The following SLC14A2 variants were observed in gnomAD, a reference collection of about 807,000 sequenced individuals.
The protein encoded by SLC14A2 is solute carrier family 14 member 2, also known as urea transporter 2.
SLC14A2 carries 91 observed loss-of-function variants against 104.6 expected under a neutral mutation model. The ratio of observed to expected loss-of-function variants is 0.87; its 90% CI spans 0.73 to 1.04. The LOEUF (loss-of-function observed/expected upper bound fraction) is 1.04, where lower values mean the gene tolerates loss of function less well. Ranked by LOEUF, SLC14A2 falls within the 50% of genes least tolerant of loss-of-function variation. The pLI is 0.00. For synonymous variants in SLC14A2, 476 were observed against 466.4 expected, an observed-to-expected ratio of 1.02 and a Z score of -0.27; for missense variants, 1,189 against 1,156.0, an observed-to-expected ratio of 1.03 and a Z score of -0.41.
At chr18:45,271,720 C>T (rs559033737) in intron 1 of SLC14A2, among the ~76,000 whole-genome samples, 1 of 152,210 alleles carries the variant, frequency 6.6e-6, no homozygotes, top group South Asian at 2.1e-4. Flanking sequence ...AATGTCCTTA[C>T]TACCCAAAGC....
At chr18:45,659,327 G>C (rs2045895659) in intron 10 of SLC14A2, among the ~76,000 whole-genome samples, 1 of 152,204 alleles carries the variant, frequency 6.6e-6, no homozygotes, top group Admixed American at 6.5e-5. Context: ...GTGGCAAAAA[G>C]TGATTAAGGC....
chr18:45,181,896 A>AT, the SLC14A2 span, among the ~76,000 whole-genome samples: 288 of 152,282 alleles, frequency 1.9e-3, 2 homozygotes, highest in African/African-American at 6.6e-3. Flanking sequence ...ACAAGAGTTT[A>AT]TTTTTTAACC....
intron 2 of SLC14A2, among the ~76,000 whole-genome samples, chr18:45,567,609 C>T (rs999431314): frequency 2.0e-5 from 3 of 152,120 alleles, no homozygotes; most frequent in African/African-American, 4.8e-5. Context: ...GGGGTTAGCC[C>T]GGTGAGTGTG....
At chr18:45,444,376 T>C (rs951995522) in intron 1 of SLC14A2, among the ~76,000 whole-genome samples, 15 of 152,218 alleles carry the variant, frequency 9.9e-5, no homozygotes, top group African/African-American at 3.6e-4. Context: ...ATTCTGATCC[T>C]GGCTCAGACC....
chr18:45,440,098 A>G (rs1321998684), intron 1 of SLC14A2, among the ~76,000 whole-genome samples: 1 of 152,328 alleles, frequency 6.6e-6, no homozygotes, highest in East Asian at 1.9e-4. Context: ...TGATCAAATC[A>G]TGATCTAATG....
At position 45,639,765 on chromosome 18, in the gene SLC14A2, T is replaced by A; in HGVS notation, c.863T>A (p.Val288Asp). Residue 288 changes from valine to aspartate, a missense_variant, in exon 7 of 20, where the codon GTT becomes GAT. Val to Asp is a radical substitution (Grantham distance 152, BLOSUM62 -3). Coordinates refer to ENST00000255226, the MANE Select transcript of SLC14A2 (RefSeq NM_007163.4). ...EMPLLLQAIP[V>D]GVGQVYGCDN... ...TTGCAGCTGTTACAAGCCATCCCTG[T>A]TGGGGTCGGCCAGGTGTATGGCTGT... is the stretch of plus-strand genomic sequence containing the variant. 1 of 1,613,940 alleles carries A rather than the reference T, an allele frequency of 6.2e-7. No homozygotes were observed. Among genetic ancestry groups the A allele is most frequent in the South Asian group, 1.1e-5 (1 of 91,072 alleles).
At chr18:45,370,172 A>G (rs1248400673) in intron 1 of SLC14A2, among the ~76,000 whole-genome samples, 1 of 152,062 alleles carries the variant, frequency 6.6e-6, no homozygotes, top group Non-Finnish European at 1.5e-5. Context: ...AAACAGGATT[A>G]CTCCCCTTCC....
intron 2 of SLC14A2, among the ~76,000 whole-genome samples, chr18:45,498,323 G>A (rs2144751810): frequency 6.6e-6 from 1 of 152,312 alleles, no homozygotes; most frequent in South Asian, 2.1e-4. Context: ...GTTCTGTGAG[G>A]CTGAGAGCTC....
rs765771424 is a variant in SLC14A2 at position 45,637,041 on chromosome 18, G to A, written c.702G>A (p.Pro234=). 1.6e-5 allele frequency: 26 copies of A among 1,614,042 alleles called. No homozygotes were observed. Among genetic ancestry groups the A allele is most frequent in the South Asian group, 5.5e-5 (5 of 91,082 alleles). Residue 234 remains proline (P), a synonymous_variant, in exon 6 of 20, where the codon CCG becomes CCA. Transcript: ENST00000255226. ...LNSIFSKWDL[P]VFTLPFNIAV... is the part of the protein sequence containing the mutation. ...CCATCTTCAGCAAGTGGGACCTCCC[G>A]GTCTTCACTCTGCCCTTCAACATTG...
At chr18:45,475,658 T>TATATATATTTAGG (rs1555693787) in intron 1 of SLC14A2, among the ~76,000 whole-genome samples, 7 of 89,944 alleles carry the variant, frequency 7.8e-5, no homozygotes, top group East Asian at 8.5e-4. Flanking sequence ...TATATATATA[T>TATATATATTTAGG]ATATATATAT....
chr18:45,509,950 A>C (rs1291947356), intron 2 of SLC14A2, among the ~76,000 whole-genome samples: 1 of 152,202 alleles, frequency 6.6e-6, no homozygotes, highest in Non-Finnish European at 1.5e-5. Context: ...TCTGCCTAAC[A>C]GAAGGGGAAC....
At chr18:45,536,337 A>G (rs1211558850) in intron 2 of SLC14A2, among the ~76,000 whole-genome samples, 1 of 152,208 alleles carries the variant, frequency 6.6e-6, no homozygotes, top group Non-Finnish European at 1.5e-5. Flanking sequence ...AACAACAGAA[A>G]TTTATCCTTT....
chr18:45,417,095 G>C (rs192252901), intron 1 of SLC14A2, among the ~76,000 whole-genome samples: 18 of 152,316 alleles, frequency 1.2e-4, no homozygotes, highest in Non-Finnish European at 1.9e-4. Flanking sequence ...GTTAGAGCTA[G>C]GGGTTGGTGG....
intron 1 of SLC14A2, among the ~76,000 whole-genome samples, chr18:45,254,559 C>T (rs2084456489): frequency 6.6e-6 from 1 of 152,306 alleles, no homozygotes; most frequent in Non-Finnish European, 1.5e-5. Flanking sequence ...GACTGTGAAA[C>T]AACCTCAATT....
Position 45,645,622 on chromosome 18 carries a change from T to TATACATATATATATATATATATATAC in SLC14A2, c.1351+1463_1351+1464insTACATATATATATATATATATATACA, listed in dbSNP as rs370081713. On this transcript the variant is annotated intron_variant, in intron 10 of 19. Coordinates refer to ENST00000255226, the MANE Select transcript of SLC14A2 (RefSeq NM_007163.4). ...CATTTGGTCTTTTTAAATATATATA[T>TATACATATATATATATATATATATAC]ACATATACAAAGATATATATAGATC... Among the ~76,000 whole-genome samples the TATACATATATATATATATATATATAC allele has an allele frequency of 8.8e-4, 119 of 134,854 alleles. 4 individuals carry two copies. The highest frequency in any genetic ancestry group is 2.6e-3 in the African/African-American group (96 of 37,552). 88.5% of individuals were successfully genotyped at this position (134,854 alleles called of 152,430 possible).
chr18:45,555,548 G>A (rs1271368048), intron 2 of SLC14A2, among the ~76,000 whole-genome samples: 1 of 152,178 alleles, frequency 6.6e-6, no homozygotes, highest in African/African-American at 2.4e-5. Flanking sequence ...GACTCTTCAT[G>A]GCTGATGAGG....
chr18:45,673,086 A>G lies in SLC14A2; in HGVS notation c.2377+39A>G, dbSNP rs199985392. On this transcript the variant is annotated intron_variant, in intron 17 of 19. Transcript: ENST00000255226. ...CTTCCCTGGGCTGTGAGGGGGTTAGAGCCTGGGGCCAGCTCCAAATAAAAT... is the reference window on the plus strand; with the variant it reads ...CTTCCCTGGGCTGTGAGGGGGTTAGGGCCTGGGGCCAGCTCCAAATAAAAT... The G allele has an allele frequency of 2.7e-4, 429 of 1,597,444 alleles. 3 individuals are homozygous for G. The African/African-American group carries it at 4.2e-3, about 16-fold the overall frequency.
At chr18:45,527,286 C>T (rs541149156) in intron 2 of SLC14A2, among the ~76,000 whole-genome samples, 93 of 152,234 alleles carry the variant, frequency 6.1e-4, no homozygotes, top group African/African-American at 1.8e-3. Context: ...TCTCAGCTCC[C>T]GAGATGACGC....
Position 45,667,980 on chromosome 18 carries a change from C to A in SLC14A2, c.1865C>A (p.Thr622Asn). Residue 622 changes from threonine to asparagine, a missense_variant, in exon 14 of 20, where the codon ACC becomes AAC. Thr to Asn is a moderately conservative substitution (Grantham distance 65). Transcript: ENST00000255226. ...PWWAISGCLG[T>N]IMSTLTALIL... ...TGGGCGATCTCAGGCTGCCTGGGTA[C>A]CATCATGTCCACCTTGACAGCCCTC... 6.2e-7 allele frequency: 1 copy of A among 1,614,128 alleles called. No homozygotes were observed. The highest frequency in any genetic ancestry group is 8.5e-7 in the Non-Finnish European group (1 of 1,180,016).
Sources: allele counts gnomAD v4.1 joint callset (sites outside exome capture counted in the v4.1 genomes callset), GRCh38; gene constraint gnomAD v4.1.1; transcripts MANE v1.5; gene names NCBI Gene and HGNC (gene_info 2026-07-23, HGNC 2026-07-21).